The following CCDC178 variants were observed in gnomAD, a reference collection of about 807,000 sequenced individuals.
CCDC178 encodes coiled-coil domain containing 178.
CCDC178 carries 126 observed loss-of-function variants against 117.4 expected under a neutral mutation model. That is an observed-to-expected ratio of 1.07 (90% CI 0.93 to 1.24). The LOEUF (loss-of-function observed/expected upper bound fraction) is 1.24. Among genes scored for constraint, CCDC178 ranks in the 50% most tolerant of loss-of-function variants. The pLI is 0.00. For synonymous variants in CCDC178, 283 were observed against 313.4 expected (o/e 0.90, Z 1.02); for missense variants, 1,030 against 986.9 (o/e 1.04, Z -0.59).
At chr18:33,283,543 T>C (rs2060050829) in intron 12 of CCDC178, among the ~76,000 whole-genome samples, 1 of 152,134 alleles carries the variant, frequency 6.6e-6, no homozygotes, top group Admixed American at 6.6e-5. Context: ...ATCTAGCGTT[T>C]ATAAGGAACT....
intron 21 of CCDC178, among the ~76,000 whole-genome samples, chr18:32,976,883 A>T (rs1381250759): frequency 6.6e-6 from 1 of 152,170 alleles, no homozygotes; most frequent in African/African-American, 2.4e-5. Flanking sequence ...TTTATATACT[A>T]CCTAAATACA....
intron 22 of CCDC178, among the ~76,000 whole-genome samples, chr18:32,950,017 TA>T (rs1378552703): frequency 6.6e-6 from 1 of 152,200 alleles, no homozygotes; most frequent in Non-Finnish European, 1.5e-5. Context: ...CCACAAATCA[TA>T]AGCTTTTTCA....
At chr18:33,237,037 C>T (rs2059433259) in intron 15 of CCDC178, among the ~76,000 whole-genome samples, 1 of 152,144 alleles carries the variant, frequency 6.6e-6, no homozygotes, top group African/African-American at 2.4e-5. Flanking sequence ...ACAACTTATG[C>T]ACTCCCCCAA....
intron 9 of CCDC178, among the ~76,000 whole-genome samples, chr18:33,345,195 C>G (rs2062874425): frequency 6.6e-6 from 1 of 151,966 alleles, no homozygotes; most frequent in South Asian, 2.1e-4. Context: ...AATAAAAAAG[C>G]TCTTACAAAA....
In CCDC178 at chr18:33,420,689, A is replaced by T. The variant is rs191044869; in HGVS notation, c.-22-8579T>A. ...TTTTAATACCTATTGAGTACTACTA[A>T]TATGCTTATTACCGTGATGAAATAA... is the stretch of plus-strand genomic sequence containing the variant. On this transcript the variant is annotated intron_variant, in intron 2 of 22. Coordinates refer to ENST00000383096, the MANE Select transcript of CCDC178 (RefSeq NM_001105528.4). Among the ~76,000 whole-genome samples the T allele has an allele frequency of 1.1e-4, 17 of 152,234 alleles. No individual in the cohort carries two copies. In the East Asian group the frequency reaches 3.1e-3, roughly 28 times the overall value.
chr18:33,132,937 G>T (rs372174030), intron 20 of CCDC178, among the ~76,000 whole-genome samples: 1 of 151,688 alleles, frequency 6.6e-6, no homozygotes, highest in Non-Finnish European at 1.5e-5. Flanking sequence ...GTTGTTAAAG[G>T]CATTTTAATT....
Position 32,963,568 on chromosome 18 carries a change from C to T in CCDC178, c.2523+10979G>A, listed in dbSNP as rs116056726. Among the ~76,000 whole-genome samples the T allele has an allele frequency of 5.1e-3, 779 of 152,096 alleles. 7 individuals are homozygous for T. The highest frequency in any genetic ancestry group is 0.018 in the African/African-American group (752 of 41,520). On this transcript the variant is annotated intron_variant, in intron 22 of 22. Transcript: ENST00000383096. ...AATATAAAATTGTTAGTAATTTTCCCTGTACACAATACTGTTTTTGTTCTC... is the reference window on the plus strand; with the variant it reads ...AATATAAAATTGTTAGTAATTTTCCTTGTACACAATACTGTTTTTGTTCTC...
At chr18:33,097,533 T>C (rs950971407) in intron 20 of CCDC178, among the ~76,000 whole-genome samples, 1 of 152,108 alleles carries the variant, frequency 6.6e-6, no homozygotes, top group African/African-American at 2.4e-5. Context: ...ATGCCAGATA[T>C]CTTGTGCAAG....
intron 20 of CCDC178, among the ~76,000 whole-genome samples, chr18:33,129,764 T>C (rs957899899): frequency 5.3e-5 from 8 of 152,034 alleles, no homozygotes; most frequent in African/African-American, 1.4e-4. Context: ...TTATGGGTAG[T>C]TGCTACAATT....
At chr18:33,432,885 G>A (rs1391754588) in intron 2 of CCDC178, among the ~76,000 whole-genome samples, 2 of 152,074 alleles carry the variant, frequency 1.3e-5, no homozygotes, top group African/African-American at 4.8e-5. Flanking sequence ...TGATTAATGT[G>A]GTATTAAGGC....
intron 22 of CCDC178, among the ~76,000 whole-genome samples, chr18:32,955,217 A>G (rs976964218): frequency 6.6e-6 from 1 of 152,146 alleles, no homozygotes; most frequent in Non-Finnish European, 1.5e-5. Context: ...TTCTTCCCCT[A>G]TATCCTCAGG....
At chr18:33,226,940 C>T in intron 15 of CCDC178, 85 bp from the exon 16 acceptor site, 1 of 599,886 alleles carries the variant, frequency 1.7e-6, no homozygotes, top group Non-Finnish European at 2.9e-6. Context: ...ATATAAGACA[C>T]ATTTTTAATG....
At chr18:33,044,664 A>C (rs35834553) in intron 21 of CCDC178, among the ~76,000 whole-genome samples, 79,890 of 151,958 alleles carry the variant, frequency 0.53, 25,067 homozygotes, top group Non-Finnish European at 0.67. Flanking sequence ...ATCTGGGTAT[A>C]TACCCAAAGG....
chr18:33,101,862 T>G (rs1331818218), intron 20 of CCDC178, among the ~76,000 whole-genome samples: 1 of 151,984 alleles, frequency 6.6e-6, no homozygotes, highest in Non-Finnish European at 1.5e-5. Context: ...TTGCCACTGA[T>G]GTAGTCAGAT....
intron 20 of CCDC178, among the ~76,000 whole-genome samples, chr18:33,148,681 C>A (rs545571677): frequency 1.1e-4 from 17 of 152,066 alleles, no homozygotes; most frequent in Non-Finnish European, 2.4e-4. Context: ...AGGTGTCATG[C>A]GACTGAGGAT....
In CCDC178 at chr18:33,397,064, T is replaced by C. The variant is rs759268395; in HGVS notation, c.118+85A>G. On this transcript the variant is annotated intron_variant, in intron 4 of 22. Coordinates refer to ENST00000383096, the MANE Select transcript of CCDC178 (RefSeq NM_001105528.4). Reference sequence around the variant, plus strand: ...GGAAGAACAGAAGAATGCCTGAAATTATTTTCATGCTTATAATTTTTTGAA... The same window carrying C: ...GGAAGAACAGAAGAATGCCTGAAATCATTTTCATGCTTATAATTTTTTGAA... 3 of 861,524 alleles carry C rather than the reference T, an allele frequency of 3.5e-6. No individual in the cohort carries two copies. The East Asian group carries it at 7.5e-5, about 22-fold the overall frequency. 53.4% of individuals were successfully genotyped at this position (861,524 alleles called of 1,614,324 possible).
chr18:33,128,825 A>G (rs2144246957), intron 20 of CCDC178, among the ~76,000 whole-genome samples: 1 of 152,270 alleles, frequency 6.6e-6, no homozygotes, highest in South Asian at 2.1e-4. Flanking sequence ...TTTTTTGTAA[A>G]TGAGTCAGTC....
At chr18:33,089,660 T>A (rs2057432996) in intron 21 of CCDC178, among the ~76,000 whole-genome samples, 1 of 152,200 alleles carries the variant, frequency 6.6e-6, no homozygotes, top group Non-Finnish European at 1.5e-5. Context: ...AACCAACAGA[T>A]CACTTCAATA....
At chr18:33,056,216 C>T (rs991786896) in intron 21 of CCDC178, among the ~76,000 whole-genome samples, 7 of 152,136 alleles carry the variant, frequency 4.6e-5, no homozygotes, top group African/African-American at 1.7e-4. Flanking sequence ...CTGGCTTCTG[C>T]CTTCATCTTA....
Sources: allele counts gnomAD v4.1 joint callset (sites outside exome capture counted in the v4.1 genomes callset), GRCh38; gene constraint gnomAD v4.1.1; transcripts MANE v1.5; gene names NCBI Gene and HGNC (gene_info 2026-07-23, HGNC 2026-07-21).